Variants in ENAH observed in about 807,000 individuals in gnomAD.
ENAH encodes ENAH actin regulator, also known as protein enabled homolog.
In ENAH, 23 loss-of-function variants were observed where a neutral mutation model predicts 78.7. The observed-to-expected ratio is 0.29, with a 90% CI of 0.21 to 0.41. The LOEUF is 0.41. Among genes scored for constraint, ENAH ranks in the 10% least tolerant of loss-of-function variants. The pLI is 1.00. For missense variants in ENAH, 544 were observed against 691.0 expected, an observed-to-expected ratio of 0.79 and a Z score of 2.39; for synonymous variants, 226 against 241.0, an observed-to-expected ratio of 0.94 and a Z score of 0.58.
intron 11 of ENAH, among the ~76,000 whole-genome samples, chr1:225,502,274 C>T (rs925041229): frequency 2.0e-5 from 3 of 152,070 alleles, no homozygotes; most frequent in African/African-American, 4.8e-5. Flanking sequence ...TGCAGTGGTG[C>T]GATCTTGGCT....
At chr1:225,513,646 T>C (rs1372734860) in intron 7 of ENAH, among the ~76,000 whole-genome samples, 1 of 152,070 alleles carries the variant, frequency 6.6e-6, no homozygotes. Flanking sequence ...CTGAGGTACT[T>C]AGGAAAATAG....
intron 1 of ENAH, among the ~76,000 whole-genome samples, chr1:225,608,247 C>CAAAAAAAAAAAAAAA (rs2096967390): frequency 8.1e-6 from 1 of 123,980 alleles, no homozygotes. Context: ...AAGACAAAAT[C>CAAAAAAAAAAAAAAA]AGACAGCAAA....
At chr1:225,562,104 G>A (rs2096709098) in intron 2 of ENAH, among the ~76,000 whole-genome samples, 1 of 151,824 alleles carries the variant, frequency 6.6e-6, no homozygotes, top group South Asian at 2.1e-4. Flanking sequence ...TGTATTTTTA[G>A]TAGAGACTGG....
At chr1:225,615,605 T>C (rs56250189) in intron 1 of ENAH, among the ~76,000 whole-genome samples, 4,908 of 151,398 alleles carry the variant, frequency 0.032, 101 homozygotes, top group East Asian at 0.079. Flanking sequence ...GAGGAGCGTC[T>C]CTGCCCGGCC....
chr1:225,555,733 T>G (rs1027172773), intron 2 of ENAH, among the ~76,000 whole-genome samples: 1 of 152,188 alleles, frequency 6.6e-6, no homozygotes, highest in Non-Finnish European at 1.5e-5. Context: ...GTACCCTGAT[T>G]AAGAAATCAA....
intron 10 of ENAH, among the ~76,000 whole-genome samples, chr1:225,511,194 CAATA>C (rs2096374550): frequency 6.6e-6 from 1 of 152,042 alleles, no homozygotes; most frequent in South Asian, 2.1e-4. Context: ...ATAAGGAGTT[CAATA>C]GATAGTCCAG....
chr1:225,488,331 C>T lies in ENAH; in HGVS notation c.*9444G>A, dbSNP rs966004617. 6.6e-6 allele frequency: 1 copy of T among 152,108 alleles called. No individual in the cohort carries two copies. Among genetic ancestry groups the T allele is most frequent in the Non-Finnish European group, 1.5e-5 (1 of 68,060 alleles). 9.4% of individuals were successfully genotyped at this position (152,108 alleles called of 1,614,324 possible). A position where few individuals can be genotyped will look rare whatever the true frequency, so the allele number is the denominator to read the frequency against. On this transcript the variant is annotated 3_prime_UTR_variant, in exon 14 of 14. Transcript: ENST00000366843. Reference sequence around the variant, plus strand: ...CCACACCTGGCTTAAGTAGAAGGTTCTGAAATCTGCCAGAGGCTGAGCAAC... The same window carrying T: ...CCACACCTGGCTTAAGTAGAAGGTTTTGAAATCTGCCAGAGGCTGAGCAAC...
intron 1 of ENAH, among the ~76,000 whole-genome samples, chr1:225,594,040 G>C (rs1435542208): frequency 6.6e-6 from 1 of 152,160 alleles, no homozygotes; most frequent in Non-Finnish European, 1.5e-5. Context: ...ATCTGCCTTA[G>C]GAAGAAGGTG....
At chr1:225,523,919 T>A (rs904130205) in intron 4 of ENAH, among the ~76,000 whole-genome samples, 1 of 152,220 alleles carries the variant, frequency 6.6e-6, no homozygotes, top group Non-Finnish European at 1.5e-5. Flanking sequence ...AATAGAATCG[T>A]CTGAGGACTT....
chr1:225,540,367 G>A (rs1204856759), intron 3 of ENAH, among the ~76,000 whole-genome samples: 1 of 152,082 alleles, frequency 6.6e-6, no homozygotes, highest in African/African-American at 2.4e-5. Context: ...AACCAAGATA[G>A]GTGTTTTTAC....
At chr1:225,535,028 T>G (rs2096555135) in intron 3 of ENAH, among the ~76,000 whole-genome samples, 1 of 152,100 alleles carries the variant, frequency 6.6e-6, no homozygotes, top group African/African-American at 2.4e-5. Context: ...CAATCAGAAA[T>G]CAACCTATTA....
intron 1 of ENAH, among the ~76,000 whole-genome samples, chr1:225,639,658 T>G (rs1660664239): frequency 1.3e-5 from 2 of 151,650 alleles, no homozygotes; most frequent in Non-Finnish European, 2.9e-5. Context: ...AATTACCCAG[T>G]CTGTGGTATC....
intron 1 of ENAH, among the ~76,000 whole-genome samples, chr1:225,638,995 CTA>C (rs1359497307): frequency 6.6e-6 from 1 of 152,176 alleles, no homozygotes; most frequent in African/African-American, 2.4e-5. Flanking sequence ...GCATTAGCCT[CTA>C]TGTCAGGCCA....
chr1:225,533,623 C>T (rs912755089), intron 3 of ENAH, among the ~76,000 whole-genome samples: 2 of 152,028 alleles, frequency 1.3e-5, no homozygotes, highest in African/African-American at 4.8e-5. Context: ...GTCCTGGCTA[C>T]AAGAAGAAGG....
chr1:225,495,456 G>GTTTTTTTTTTTTTTTTTTTTTTTTTTTTT lies in ENAH; in HGVS notation c.*2318_*2319insAAAAAAAAAAAAAAAAAAAAAAAAAAAAA, dbSNP rs33964064. On this transcript the variant is annotated 3_prime_UTR_variant, in exon 14 of 14. Coordinates refer to ENST00000366843, the MANE Select transcript of ENAH (RefSeq NM_018212.6). ...GGAAATATAGCATGATTCAACACTG[G>GTTTTTTTTTTTTTTTTTTTTTTTTTTTTT]TTTTTTTTTTTTTTTTTTTTTGTCA... is the stretch of plus-strand genomic sequence containing the variant. The GTTTTTTTTTTTTTTTTTTTTTTTTTTTTT allele has an allele frequency of 1.8e-5, 2 of 110,762 alleles. 1 individual carries two copies. The allele number at this position is 110,762 out of a possible 1,614,324, so 6.9% of individuals were successfully genotyped here.
At chr1:225,501,150 A>T (rs2096280165) in intron 11 of ENAH, 80 bp from the exon 12 acceptor site, 2 of 1,011,296 alleles carry the variant, frequency 2.0e-6, no homozygotes, top group South Asian at 1.7e-5. Context: ...AAATTTACCA[A>T]CCCAACACCA....
rs556392778 is a variant in ENAH at position 225,519,446 on chromosome 1, C to A, written c.554G>T (p.Arg185Leu). ...TCTCTCCAGCTGTTCTTGTTCCAGTCGCTCCCTCTCCAGCCTTTCCCTTTC... is the reference window on the plus strand; with the variant it reads ...TCTCTCCAGCTGTTCTTGTTCCAGTAGCTCCCTCTCCAGCCTTTCCCTTTC... ...RLERERLERE[R>L]LEQEQLERER... The change falls in exon 5 of 14, where the codon CGA (arginine) becomes CTA (leucine). Residue 185 changes from arginine to leucine, a missense_variant. Physicochemically the swap from Arg to Leu is moderately radical, Grantham distance 102. Coordinates refer to ENST00000366843, the MANE Select transcript of ENAH (RefSeq NM_018212.6). The A allele has an allele frequency of 6.2e-7, 1 of 1,613,000 alleles. No homozygotes were observed. Among genetic ancestry groups the A allele is most frequent in the Non-Finnish European group, 8.5e-7 (1 of 1,179,556 alleles).
In ENAH at chr1:225,517,670, G is replaced by C. The variant is rs1223118482; in HGVS notation, c.803-364C>G. On this transcript the variant is annotated intron_variant, in intron 5 of 13. Transcript: ENST00000366843. The stretch of plus-strand genomic sequence containing the variant: ...GACCAGGCACAGGGCTTCGTAGCTG[G>C]AGGCTGAGAAGAGGGTGTGTTCACA... The C allele has an allele frequency of 1.9e-6, 3 of 1,551,050 alleles. No individual in the cohort carries two copies. In the South Asian group the frequency reaches 3.6e-5, roughly 18 times the overall value.
Position 225,553,625 on chromosome 1 carries a change from C to A in ENAH, c.349+1281G>T, listed in dbSNP as rs186790662. On this transcript the variant is annotated intron_variant, in intron 3 of 13. Transcript: ENST00000366843. Reference sequence around the variant, plus strand: ...TAGCTTCTTCCCTATGGTAAAACTACAGTAAATGAAAAGCAATTCTATACC... The same window carrying A: ...TAGCTTCTTCCCTATGGTAAAACTAAAGTAAATGAAAAGCAATTCTATACC... Among the ~76,000 whole-genome samples the A allele has an allele frequency of 5.9e-4, 89 of 150,240 alleles. 1 individual carries two copies. The highest frequency in any genetic ancestry group is 3.5e-3 in the Middle Eastern group (1 of 288).
Sources: gnomAD v4.1 joint callset for allele counts (sites outside exome capture counted in the v4.1 genomes callset) on GRCh38, gnomAD v4.1.1 for gene constraint, MANE v1.5 for transcripts, NCBI Gene and HGNC (gene_info 2026-07-23, HGNC 2026-07-21) for gene names.